CACNA1H: variants seen among roughly 807,000 people sequenced by gnomAD.
CACNA1H encodes voltage-dependent T-type calcium channel subunit alpha-1H.
CACNA1H carries 149 observed loss-of-function variants against 192.5 expected under a neutral mutation model. The observed-to-expected ratio is 0.77, with a 90% confidence interval of 0.68 to 0.89. The LOEUF (loss-of-function observed/expected upper bound fraction) is 0.89, where lower values mean the gene tolerates loss of function less well. Ranked by LOEUF, CACNA1H falls within the 40% of genes least tolerant of loss-of-function variation. The pLI is 0.00. For synonymous variants in CACNA1H, 2,202 were observed against 1,475.2 expected, an observed-to-expected ratio of 1.49 and a Z score of -11.29; for missense variants, 4,257 against 3,423.5, an observed-to-expected ratio of 1.24 and a Z score of -6.08.
intron 2 of CACNA1H, among the ~76,000 whole-genome samples, chr16:1,183,734 G>C (rs1965705744): frequency 6.6e-6 from 1 of 152,238 alleles, no homozygotes; most frequent in Non-Finnish European, 1.5e-5. Flanking sequence ...CTGGGGGGCG[G>C]CCCTGGGGGG....
At position 1,180,998 on chromosome 16, in the gene CACNA1H, G is replaced by A. The variant is rs1304275756; in HGVS notation, c.300-13974G>A. Among the ~76,000 whole-genome samples, 2 of 152,210 alleles carry A rather than the reference G, an allele frequency of 1.3e-5. No homozygotes were observed. The highest frequency in any genetic ancestry group is 2.9e-5 in the Non-Finnish European group (2 of 68,028). ...ACCCAAGGGTGGAGCTCCAGGCCAC[G>A]TTCCCATGGAGGGAGCGCCTGGTCC... On this transcript the variant is annotated intron_variant, in intron 2 of 34. Transcript: ENST00000348261. This position sits in a 1 kb window ranked among gnomAD's most constrained non-coding sequence, Gnocchi z 4.4.
In CACNA1H at chr16:1,190,112, G is replaced by A. The variant is rs893792821; in HGVS notation, c.300-4860G>A. 5.9e-5 allele frequency among the ~76,000 whole-genome samples: 9 copies of A among 152,294 alleles called. No individual in the cohort carries two copies. The South Asian group carries it at 8.3e-4, about 14-fold the overall frequency. ...AGGCTCCCTGCCTGAGGGAGACCCCGTAGCCAAGACCACCTCACTGCGCCA... is the reference window on the plus strand; with the variant it reads ...AGGCTCCCTGCCTGAGGGAGACCCCATAGCCAAGACCACCTCACTGCGCCA... On this transcript the variant is annotated intron_variant, in intron 2 of 34. Coordinates refer to ENST00000348261, the MANE Select transcript of CACNA1H (RefSeq NM_021098.3).
chr16:1,213,286 G>A (rs925082706), intron 26 of CACNA1H, among the ~76,000 whole-genome samples: 1 of 152,198 alleles, frequency 6.6e-6, no homozygotes, highest in Non-Finnish European at 1.5e-5. Context: ...ATGGAGTGGG[G>A]CTGCCCTGCC....
chr16:1,221,527 G>A lies in CACNA1H; in HGVS notation c.*533G>A. On this transcript the variant is annotated 3_prime_UTR_variant, in exon 35 of 35. Coordinates refer to ENST00000348261, the MANE Select transcript of CACNA1H (RefSeq NM_021098.3). ...GCTCGGGCCTTCCCAGAAGCGTCCT[G>A]TGACTCTGGGAGAGGTGACACCTCA... 1 of 461,006 alleles carries A rather than the reference G, an allele frequency of 2.2e-6. No individual in the cohort carries two copies. 28.6% of individuals were successfully genotyped at this position (461,006 alleles called of 1,614,324 possible). A position where few individuals can be genotyped will look rare whatever the true frequency, so the allele number is the denominator to read the frequency against.
chr16:1,212,622 G>C, intron 26 of CACNA1H, 94 bp downstream of exon 26: 1 of 1,452,388 alleles, frequency 6.9e-7, no homozygotes, highest in East Asian at 2.5e-5. Flanking sequence ...TCCTCCGCAG[G>C]GTGGGCACAG....
At position 1,210,350 on chromosome 16, in the gene CACNA1H, A is replaced by AAAACCC; in HGVS notation, c.3846-20_3846-19insAAACCC. 1.6e-5 allele frequency: 5 copies of AAAACCC among 313,942 alleles called. No homozygotes were observed. Among genetic ancestry groups the AAAACCC allele is most frequent in the Non-Finnish European group, 1.9e-5 (4 of 215,952 alleles). The allele number at this position is 313,942 out of a possible 1,614,324, so 19.4% of individuals were successfully genotyped here. ...TCCACGCCGCCCCGCCCCACCTCTCACCCGCCCCCGCCCACCCAGGTTCCG... is the reference window on the plus strand; with the variant it reads ...TCCACGCCGCCCCGCCCCACCTCTCAAAACCCCCCGCCCCCGCCCACCCAGGTTCCG... On this transcript the variant is annotated intron_variant, in intron 18 of 34. Coordinates refer to ENST00000348261, the MANE Select transcript of CACNA1H (RefSeq NM_021098.3).
rs762362357 is a variant in CACNA1H at position 1,209,077 on chromosome 16, G to T, written c.3409G>T (p.Ala1137Ser). Residue 1137 changes from alanine (A) to serine (S), a missense_variant, in exon 17 of 35, where the codon GCC (alanine) becomes TCC (serine). Transcript: ENST00000348261. ...CTGTGCCCCCTGGGGCCCCAGTGGCGCCTGGAGCAGCCGGCGCTCCAGCTG... is the reference window on the plus strand; with the variant it reads ...CTGTGCCCCCTGGGGCCCCAGTGGCTCCTGGAGCAGCCGGCGCTCCAGCTG... ...SPCAPWGPSG[A>S]WSSRRSSWSS... 2.6e-6 allele frequency: 4 copies of T among 1,543,226 alleles called. No individual in the cohort carries two copies. The highest frequency in any genetic ancestry group is 2.1e-5 in the Admixed American group (1 of 48,676).
chr16:1,209,412 C>G lies in CACNA1H; in HGVS notation c.3744C>G (p.Asp1248Glu). The G allele has an allele frequency of 1.3e-6, 2 of 1,596,884 alleles. No individual in the cohort carries two copies. The highest frequency in any genetic ancestry group is 1.7e-6 in the Non-Finnish European group (2 of 1,179,066). Residue 1248 changes from aspartate to glutamate, a missense_variant and splice_region_variant, in exon 17 of 35, where the codon GAC (aspartate) becomes GAG (glutamate). Physicochemically the swap from Asp to Glu is conservative, Grantham distance 45. Transcript: ENST00000348261. ...CCGAGCTTGACGACGACTCGGAGGA[C>G]GTGAGTGCGTGGCCCTGGGCCCACC... Reference protein sequence around the residue: ...DAAELDDDSEDSCCLRLHKVL... With the variant: ...DAAELDDDSEESCCLRLHKVL...
Position 1,210,044 on chromosome 16 carries a change from C to G in CACNA1H, c.3754C>G (p.Leu1252Val). The G allele has an allele frequency of 5.8e-6, 9 of 1,550,690 alleles. No homozygotes were observed. The highest frequency in any genetic ancestry group is 7.8e-6 in the Non-Finnish European group (9 of 1,147,592). The change falls in exon 18 of 35, where the codon CTC becomes GTC. Residue 1252 changes from leucine to valine, a missense_variant. By Grantham distance (32) the Leu-to-Val change is conservative. Transcript: ENST00000348261. ...CCGCCTCATCCCACAGAGCTGCTGC[C>G]TCCGCCTGCATAAAGTGCTGGAGCC... ...LDDDSEDSCC[L>V]RLHKVLEPYK...
chr16:1,183,975 T>A (rs1218396876), intron 2 of CACNA1H, among the ~76,000 whole-genome samples: 2 of 152,228 alleles, frequency 1.3e-5, no homozygotes, highest in Non-Finnish European at 2.9e-5. Context: ...TGCGTCTGCC[T>A]CGGCAGCTGT....
rs574219275 is a variant in CACNA1H at position 1,213,670 on chromosome 16, C to T, written c.4778-110C>T. On this transcript the variant is annotated intron_variant, in intron 26 of 34. Coordinates refer to ENST00000348261, the MANE Select transcript of CACNA1H (RefSeq NM_021098.3). ...GCCCCATCTTCACATGAGCCGTGGG[C>T]CCCCAACTTCTACCCTACACTTGGC... is the stretch of plus-strand genomic sequence containing the variant. The T allele has an allele frequency of 3.8e-4, 280 of 738,952 alleles. 2 individuals carry two copies. The African/African-American group carries it at 4.2e-3, about 11-fold the overall frequency. The allele number at this position is 738,952 out of a possible 1,614,324, so 45.8% of individuals were successfully genotyped here.
intron 2 of CACNA1H, among the ~76,000 whole-genome samples, chr16:1,168,819 G>C (rs1016217500): frequency 2.0e-5 from 3 of 152,082 alleles, no homozygotes; most frequent in African/African-American, 7.2e-5. Context: ...GGCCCGAGGA[G>C]GGGTGAGGCT....
In CACNA1H at chr16:1,217,938, C is replaced by T. The variant is rs751320744; in HGVS notation, c.5343C>T (p.Pro1781=). The T allele has an allele frequency of 2.5e-6, 4 of 1,605,240 alleles. No individual in the cohort carries two copies. The highest frequency in any genetic ancestry group is 2.3e-5 in the East Asian group (1 of 44,372). ...CCGCAGAGTGCAGTGAAGACAACCC[C>T]TGCGAGGGCCTGAGCAGGCACGCCA... is the stretch of plus-strand genomic sequence containing the variant. ...FGRLECSEDN[P]CEGLSRHATF... Residue 1781 remains proline, a synonymous_variant, in exon 32 of 35, where the codon CCC becomes CCT. Coordinates refer to ENST00000348261, the MANE Select transcript of CACNA1H (RefSeq NM_021098.3).
chr16:1,221,474 C>G lies in CACNA1H; in HGVS notation c.*480C>G, dbSNP rs1293733603. ...CGCCTGTCACGCCCTCACCACCCTC[C>G]CCTTCCAGCCACCACCCTTTCCGTT... On this transcript the variant is annotated 3_prime_UTR_variant, in exon 35 of 35. Coordinates refer to ENST00000348261, the MANE Select transcript of CACNA1H (RefSeq NM_021098.3). The G allele has an allele frequency of 2.8e-6, 1 of 358,400 alleles. No individual in the cohort carries two copies. Among genetic ancestry groups the G allele is most frequent in the Non-Finnish European group, 5.0e-6 (1 of 198,026 alleles). 22.2% of individuals were successfully genotyped at this position (358,400 alleles called of 1,614,324 possible). A position where few individuals can be genotyped will look rare whatever the true frequency, so the allele number is the denominator to read the frequency against.
intron 2 of CACNA1H, among the ~76,000 whole-genome samples, chr16:1,184,772 C>T (rs1178487438): frequency 6.6e-6 from 1 of 152,228 alleles, no homozygotes; most frequent in Non-Finnish European, 1.5e-5. Flanking sequence ...CCAAAGGGCG[C>T]CTTCAGTGGC....
rs976448714 is a variant in CACNA1H, at chr16:1,221,607, C to A, written c.*613C>A. The stretch of plus-strand genomic sequence containing the variant: ...CCCGGCCCCGATGCGAATCAGGCCT[C>A]CCCTACATCTGGGGGCGTTGGCCGC... On this transcript the variant is annotated 3_prime_UTR_variant, in exon 35 of 35. Coordinates refer to ENST00000348261, the MANE Select transcript of CACNA1H (RefSeq NM_021098.3). The A allele has an allele frequency of 5.9e-6, 4 of 680,988 alleles. No individual in the cohort carries two copies. The highest frequency in any genetic ancestry group is 9.6e-6 in the Non-Finnish European group (4 of 417,214). 42.2% of individuals were successfully genotyped at this position (680,988 alleles called of 1,614,324 possible). A position where few individuals can be genotyped will look rare whatever the true frequency, so the allele number is the denominator to read the frequency against.
At chr16:1,188,408 C>T (rs945300060) in intron 2 of CACNA1H, among the ~76,000 whole-genome samples, 2 of 152,172 alleles carry the variant, frequency 1.3e-5, no homozygotes, top group Admixed American at 1.3e-4. Context: ...TCAGTCGGCA[C>T]TGTTTGGGGG....
chr16:1,210,367 CAGGTTCCG>C lies in CACNA1H; in HGVS notation c.3846-2_3851del. On this transcript the variant is annotated splice_acceptor_variant and coding_sequence_variant, in exon 19 of 35. Coordinates refer to ENST00000348261, the MANE Select transcript of CACNA1H (RefSeq NM_021098.3). LOFTEE classifies it high-confidence loss of function. ...CACCTCTCACCCGCCCCCGCCCACC[CAGGTTCCG>C]CGTCTCCTGCCAGAAGGTCATCACA... 6.5e-7 allele frequency: 1 copy of C among 1,533,348 alleles called. No homozygotes were observed. The highest frequency in any genetic ancestry group is 1.9e-5 in the Admixed American group (1 of 51,302). The allele number at this position is 1,533,348 out of a possible 1,614,324, so 95.0% of individuals were successfully genotyped here.
intron 2 of CACNA1H, chr16:1,157,589 C>T (rs533911156): frequency 1.3e-5 from 2 of 152,318 alleles, no homozygotes; most frequent in Non-Finnish European, 2.9e-5. Context: ...CCTCCCCGGG[C>T]TCCACGTGCC....
Sources: gnomAD v4.1 joint callset for allele counts (sites outside exome capture counted in the v4.1 genomes callset) on GRCh38, gnomAD v4.1.1 for gene constraint, Gnocchi (gnomAD v3.1) non-coding constraint, MANE v1.5 for transcripts, NCBI Gene and HGNC (gene_info 2026-07-23, HGNC 2026-07-21) for gene names.